Variants in SPIDR observed in about 807,000 individuals in gnomAD.
SPIDR encodes scaffold protein involved in DNA repair, also known as DNA repair-scaffolding protein.
SPIDR carries 93 observed loss-of-function variants against 104.6 expected under a neutral mutation model. The observed-to-expected ratio is 0.89, with a 90% CI of 0.75 to 1.06. The LOEUF is 1.06. Among genes scored for constraint, SPIDR ranks in the 50% least tolerant of loss-of-function variants. SPIDR has a pLI of 0.00. For synonymous variants in SPIDR, 431 were observed against 416.9 expected, an observed-to-expected ratio of 1.03 and a Z score of -0.41; for missense variants, 1,154 against 1,111.2, an observed-to-expected ratio of 1.04 and a Z score of -0.55.
At chr8:47,653,180 G>C (rs1240027724) in intron 10 of SPIDR, among the ~76,000 whole-genome samples, 1 of 152,196 alleles carries the variant, frequency 6.6e-6, no homozygotes, top group African/African-American at 2.4e-5. Context: ...GAAAGCCTGT[G>C]TGACTCTTGC....
chr8:47,471,937 G>C (rs1248600730), intron 8 of SPIDR, among the ~76,000 whole-genome samples: 1 of 152,174 alleles, frequency 6.6e-6, no homozygotes, highest in Non-Finnish European at 1.5e-5. Context: ...ATGTCTGTGA[G>C]CTCACAAGTT....
At chr8:47,288,819 T>A (rs1470813326) in intron 3 of SPIDR, among the ~76,000 whole-genome samples, 5 of 152,256 alleles carry the variant, frequency 3.3e-5, no homozygotes. Context: ...CATGTTTTTG[T>A]GCCTTTGTAA....
At chr8:47,478,374 A>G (rs572830781) in intron 8 of SPIDR, among the ~76,000 whole-genome samples, 5 of 152,288 alleles carry the variant, frequency 3.3e-5, no homozygotes, top group Admixed American at 3.3e-4. Context: ...TGACAGTTTC[A>G]TCTTGGAAGT....
intron 8 of SPIDR, chr8:47,512,172 A>G (rs941710762): frequency 4.6e-5 from 17 of 370,862 alleles, no homozygotes; most frequent in African/African-American, 1.9e-4. Flanking sequence ...CCCCACATCC[A>G]CTACTTTCTT....
intron 4 of SPIDR, among the ~76,000 whole-genome samples, chr8:47,293,539 C>T (rs1052327976): frequency 6.6e-6 from 1 of 152,138 alleles, no homozygotes; most frequent in African/African-American, 2.4e-5. Flanking sequence ...CTCCACCTCT[C>T]GGGTTCAAGC....
chr8:47,724,585 T>G (rs1217862664), intron 16 of SPIDR, among the ~76,000 whole-genome samples: 2 of 152,108 alleles, frequency 1.3e-5, no homozygotes, highest in Non-Finnish European at 2.9e-5. Flanking sequence ...CTGCAGAGAG[T>G]TGGTGCTAGG....
chr8:47,726,078 C>T (rs1477859847), intron 16 of SPIDR, among the ~76,000 whole-genome samples: 1 of 152,230 alleles, frequency 6.6e-6, no homozygotes. Context: ...TCCTCATGTG[C>T]CTGCCCATTG....
At position 47,597,973 on chromosome 8, in the gene SPIDR, A is replaced by C. The variant is rs569062410; in HGVS notation, c.1294-973A>C. Among the ~76,000 whole-genome samples the C allele has an allele frequency of 1.6e-4, 24 of 152,338 alleles. No homozygotes were observed. In the South Asian group the frequency reaches 1.9e-3, roughly 12 times the overall value. On this transcript the variant is annotated intron_variant, in intron 9 of 19. Transcript: ENST00000297423. ...GAAGAATACGAAAGAAAAGTAGACA[A>C]ACTTTCAGCCTCTTTTGTGCCAGCC...
At chr8:47,386,900 G>GAT (rs1563810829) in intron 5 of SPIDR, among the ~76,000 whole-genome samples, 3 of 71,840 alleles carry the variant, frequency 4.2e-5, no homozygotes, top group African/African-American at 9.7e-5. Flanking sequence ...GAAAGAGAGA[G>GAT]AGAGATATAG....
chr8:47,290,062 G>A (rs1319784198), intron 3 of SPIDR, among the ~76,000 whole-genome samples: 1 of 151,982 alleles, frequency 6.6e-6, no homozygotes, highest in Non-Finnish European at 1.5e-5. Context: ...TGTGTGAGAT[G>A]GAGTTTCACT....
At chr8:47,393,780 T>TCCTTC (rs1313919548) in intron 5 of SPIDR, among the ~76,000 whole-genome samples, 6 of 150,298 alleles carry the variant, frequency 4.0e-5, no homozygotes, top group African/African-American at 1.2e-4. Context: ...TCTTTTCTTT[T>TCCTTC]CCTTCCCTTC....
At chr8:47,511,078 T>C (rs2082244764) in intron 8 of SPIDR, 2 of 1,187,140 alleles carry the variant, frequency 1.7e-6, no homozygotes, top group Admixed American at 1.7e-5. Context: ...GTTGGCTTCC[T>C]TCAGGGTCCA....
chr8:47,417,958 GCT>G (rs2064671415), intron 7 of SPIDR, among the ~76,000 whole-genome samples: 1 of 152,070 alleles, frequency 6.6e-6, no homozygotes, highest in African/African-American at 2.4e-5. Flanking sequence ...ATTTCCGAGG[GCT>G]CTGTTTTGTT....
At chr8:47,325,659 A>G (rs1044853357) in intron 5 of SPIDR, among the ~76,000 whole-genome samples, 1 of 152,188 alleles carries the variant, frequency 6.6e-6, no homozygotes, top group Non-Finnish European at 1.5e-5. Flanking sequence ...TGCTCCAGAC[A>G]ATCTATCCCT....
chr8:47,633,566 A>AG (rs951132938), intron 10 of SPIDR, among the ~76,000 whole-genome samples: 5 of 151,036 alleles, frequency 3.3e-5, no homozygotes, highest in Non-Finnish European at 5.9e-5. Context: ...TTGAAAAAAA[A>AG]AAAAAAACAA....
intron 4 of SPIDR, among the ~76,000 whole-genome samples, chr8:47,293,454 A>G (rs1554570795): frequency 2.0e-5 from 3 of 151,930 alleles, no homozygotes; most frequent in Non-Finnish European, 4.4e-5. Context: ...TTCACTGTCT[A>G]AATTTTTTTT....
At chr8:47,476,237 A>G (rs534537639) in intron 8 of SPIDR, among the ~76,000 whole-genome samples, 14 of 152,308 alleles carry the variant, frequency 9.2e-5, no homozygotes, top group African/African-American at 2.9e-4. Context: ...CCATGAAATA[A>G]CAGGGTTCAG....
Position 47,734,224 on chromosome 8 carries a change from T to C in SPIDR, c.2605-1083T>C, listed in dbSNP as rs1225702502. On this transcript the variant is annotated intron_variant, in intron 19 of 19. Transcript: ENST00000297423. ...GCTCTGGCCGGACCCCCTCACAGCATGTGTGTGGATCCCACGGGCCAGCTG... is the reference window on the plus strand; with the variant it reads ...GCTCTGGCCGGACCCCCTCACAGCACGTGTGTGGATCCCACGGGCCAGCTG... Among the ~76,000 whole-genome samples, 4 of 152,146 alleles carry C rather than the reference T, an allele frequency of 2.6e-5. No individual in the cohort carries two copies. In the East Asian group the frequency reaches 7.7e-4, roughly 29 times the overall value.
chr8:47,660,270 G>C (rs2073891903), intron 10 of SPIDR, among the ~76,000 whole-genome samples: 1 of 151,958 alleles, frequency 6.6e-6, no homozygotes, highest in African/African-American at 2.4e-5. Context: ...CATTAAGTTG[G>C]TAAGAAAAGG....
Sources: gnomAD v4.1 joint callset for allele counts (sites outside exome capture counted in the v4.1 genomes callset) on GRCh38, gnomAD v4.1.1 for gene constraint, MANE v1.5 for transcripts, NCBI Gene and HGNC (gene_info 2026-07-23, HGNC 2026-07-21) for gene names.